The following NPR3 variants were observed in gnomAD, a reference collection of about 807,000 sequenced individuals.
NPR3 encodes the protein natriuretic peptide receptor 3.
Under a neutral mutation model 54.5 loss-of-function variants are expected in NPR3, and 34 were observed. The ratio of observed to expected loss-of-function variants is 0.62; its 90% CI spans 0.47 to 0.83. NPR3 has a LOEUF of 0.83. NPR3 is among the 40% of genes least tolerant of loss of function. The probability of loss-of-function intolerance (pLI) is 0.00; values close to 1 mark genes in which losing one functional copy is unlikely to be tolerated. For missense variants in NPR3, 674 were observed against 720.8 expected (o/e 0.94, Z 0.74); for synonymous variants, 289 against 297.1 (o/e 0.97, Z 0.28).
intron 3 of NPR3, among the ~76,000 whole-genome samples, chr5:32,773,154 C>T (rs950770201): frequency 2.0e-5 from 3 of 152,168 alleles, no homozygotes; most frequent in African/African-American, 7.2e-5. Context: ...TAAGCCATGC[C>T]AGGTGGTCAT....
chr5:32,701,086 A>T (rs1420296137), intron 1 of NPR3, among the ~76,000 whole-genome samples: 1 of 152,178 alleles, frequency 6.6e-6, no homozygotes, highest in African/African-American at 2.4e-5. Flanking sequence ...AATGATCACC[A>T]TTCTAACTGG....
chr5:32,786,254 T>C lies in NPR3; in HGVS notation c.1535T>C (p.Ile512Thr), dbSNP rs760245495. The change falls in exon 8 of 8, where the codon ATT becomes ACT. Residue 512 changes from isoleucine to threonine, a missense_variant. By Grantham distance (89) the Ile-to-Thr change is moderately conservative. Transcript: ENST00000265074. ...YFFRKKYRIT[I>T]ERRTQQEESN... ...CCCAGGAAGAAATACAGAATAACCATTGAGAGGCGAACCCAGCAAGAAGAA... is the reference window on the plus strand; with the variant it reads ...CCCAGGAAGAAATACAGAATAACCACTGAGAGGCGAACCCAGCAAGAAGAA... 2.6e-6 allele frequency: 4 copies of C among 1,522,070 alleles called. No individual in the cohort carries two copies. In the South Asian group the frequency reaches 4.7e-5, roughly 18 times the overall value. 94.3% of individuals were successfully genotyped at this position (1,522,070 alleles called of 1,614,324 possible).
At chr5:32,780,941 C>T in intron 5 of NPR3, 125 bp downstream of exon 5, 1 of 613,560 alleles carries the variant, frequency 1.6e-6, no homozygotes, top group Non-Finnish European at 2.9e-6. Context: ...AGTTGAAAAA[C>T]CTCAACTTTT....
At chr5:32,768,987 T>C (rs759781961) in intron 3 of NPR3, among the ~76,000 whole-genome samples, 7 of 152,190 alleles carry the variant, frequency 4.6e-5, no homozygotes, top group Non-Finnish European at 8.8e-5. Context: ...AGAGTTCCAC[T>C]GGGATAAAGG....
At chr5:32,698,258 A>G (rs1740581389) in intron 1 of NPR3, among the ~76,000 whole-genome samples, 1 of 152,104 alleles carries the variant, frequency 6.6e-6, no homozygotes. Flanking sequence ...CAGGTCATTA[A>G]GGAGCATATT....
intron 3 of NPR3, among the ~76,000 whole-genome samples, chr5:32,757,529 A>G (rs941347250): frequency 6.6e-6 from 1 of 152,236 alleles, no homozygotes; most frequent in Admixed American, 6.5e-5. Context: ...CTAAATATAC[A>G]GTCATGTCAT....
At chr5:32,707,727 G>A (rs981562414), upstream of NPR3, among the ~76,000 whole-genome samples, 1 of 152,160 alleles carries the variant, frequency 6.6e-6, no homozygotes, top group African/African-American at 2.4e-5. Flanking sequence ...TGGGTTCTTA[G>A]TTTAGAGGTT....
At position 32,712,280 on chromosome 5, in the gene NPR3, C is replaced by T; in HGVS notation, c.504C>T (p.Asp168=). ...GALAAGFQHK[D]SEYSHLTRVA... ...TGGCCGCTGGCTTCCAGCACAAGGA[C>T]TCTGAGTACTCGCACCTCACGCGCG... Residue 168 remains aspartate, a synonymous_variant, in exon 1 of 8, where the codon GAC becomes GAT. Coordinates refer to ENST00000265074, the MANE Select transcript of NPR3 (RefSeq NM_001204375.2). The T allele has an allele frequency of 6.2e-7, 1 of 1,613,102 alleles. No individual in the cohort carries two copies. Among genetic ancestry groups the T allele is most frequent in the Non-Finnish European group, 8.5e-7 (1 of 1,179,812 alleles).
At chr5:32,784,920 C>T (rs1432358978) in intron 7 of NPR3, 37 bp downstream of exon 7, 1 of 1,419,106 alleles carries the variant, frequency 7.0e-7, no homozygotes, top group Non-Finnish European at 1.0e-6. Flanking sequence ...TCACTCTCTT[C>T]TGCTGTCTTT....
chr5:32,781,821 C>T (rs908301969), intron 5 of NPR3, among the ~76,000 whole-genome samples: 3 of 152,268 alleles, frequency 2.0e-5, no homozygotes, highest in Admixed American at 6.5e-5. Flanking sequence ...GTATAAAGCC[C>T]TTGGCAAGTG....
intron 4 of NPR3, among the ~76,000 whole-genome samples, chr5:32,775,428 G>A (rs1489413966): frequency 6.6e-6 from 1 of 151,982 alleles, no homozygotes; most frequent in Non-Finnish European, 1.5e-5. Flanking sequence ...CTGAGTAGCA[G>A]GGATTACAGG....
intron 2 of NPR3, among the ~76,000 whole-genome samples, chr5:32,734,427 T>C (rs560549015): frequency 6.6e-6 from 1 of 152,346 alleles, no homozygotes; most frequent in African/African-American, 2.4e-5. Context: ...CCAACATGGG[T>C]ACCCCTTATT....
At chr5:32,728,829 GTGTGTGTGTATATA>G (rs1262908906) in intron 2 of NPR3, among the ~76,000 whole-genome samples, 28 of 76,190 alleles carry the variant, frequency 3.7e-4, no homozygotes, top group East Asian at 7.8e-4. Flanking sequence ...GTGTGTGTGT[GTGTGTGTGTATATA>G]TATATATATA....
chr5:32,701,773 T>G (rs1454808701), intron 1 of NPR3, among the ~76,000 whole-genome samples: 2 of 152,220 alleles, frequency 1.3e-5, no homozygotes, highest in Admixed American at 1.3e-4. Context: ...TTTTGCAGAC[T>G]TATATAGGTA....
chr5:32,759,187 T>C (rs1741013681), intron 3 of NPR3, among the ~76,000 whole-genome samples: 2 of 152,208 alleles, frequency 1.3e-5, no homozygotes, highest in South Asian at 4.1e-4. Context: ...TTGATCTGTC[T>C]AATGTTGACA....
At chr5:32,785,137 GATTTTTTTT>G (rs1459150540) in intron 7 of NPR3, among the ~76,000 whole-genome samples, 2 of 122,630 alleles carry the variant, frequency 1.6e-5, no homozygotes, top group Non-Finnish European at 3.3e-5. Flanking sequence ...TTTGATCACA[GATTTTTTTT>G]TTTTTTTTTT....
intron 3 of NPR3, among the ~76,000 whole-genome samples, chr5:32,744,907 C>T (rs1351260321): frequency 6.6e-6 from 1 of 152,120 alleles, no homozygotes; most frequent in Non-Finnish European, 1.5e-5. Context: ...TTGTTTCTGC[C>T]CACTCTTGCA....
At chr5:32,710,588 G>T, upstream of NPR3, 2 of 1,390,764 alleles carry the variant, frequency 1.4e-6, no homozygotes, top group Non-Finnish European at 1.9e-6. Context: ...TGGCCCAGGG[G>T]GAGGGGGCTG....
In NPR3 at chr5:32,787,778, A is replaced by G. The variant is rs1172577068; in HGVS notation, c.*1433A>G. ...TAAACTCAGGTTACTACTTTCACTT[A>G]TACTTTATGGAGAAGATAGACAGTG... On this transcript the variant is annotated 3_prime_UTR_variant, in exon 8 of 8. Coordinates refer to ENST00000265074, the MANE Select transcript of NPR3 (RefSeq NM_001204375.2). The G allele has an allele frequency of 6.6e-6, 1 of 152,210 alleles. No homozygotes were observed. The highest frequency in any genetic ancestry group is 1.5e-5 in the Non-Finnish European group (1 of 68,040). The allele number at this position is 152,210 out of a possible 1,614,324, so 9.4% of individuals were successfully genotyped here. A position where few individuals can be genotyped will look rare whatever the true frequency, so the allele number is the denominator to read the frequency against.
Sources: allele counts gnomAD v4.1 joint callset (sites outside exome capture counted in the v4.1 genomes callset), GRCh38; gene constraint gnomAD v4.1.1; transcripts MANE v1.5; gene names NCBI Gene and HGNC (gene_info 2026-07-23, HGNC 2026-07-21).